ZNF140: variants seen among roughly 807,000 people sequenced by gnomAD.
The protein encoded by ZNF140 is zinc finger protein 140.
Under a neutral mutation model 12.9 loss-of-function variants are expected in ZNF140, and 13 were observed. The ratio of observed to expected loss-of-function variants is 1.01; its 90% CI spans 0.66 to 1.60. The LOEUF is 1.60. Ranked by LOEUF, ZNF140 falls within the 40% of genes most tolerant of loss-of-function variation. The pLI is 0.00. For missense variants in ZNF140, 531 were observed against 548.8 expected (o/e 0.97, Z 0.32); for synonymous variants, 214 against 186.7 (o/e 1.15, Z -1.19).
intron 4 of ZNF140, among the ~76,000 whole-genome samples, chr12:133,086,247 AC>A (rs1954671955): frequency 2.0e-5 from 3 of 152,108 alleles, no homozygotes; most frequent in African/African-American, 7.2e-5. Context: ...AGGATAATGC[AC>A]CTCTTTATGT....
intron 2 of ZNF140, chr12:133,082,092 A>G (rs1954522859): frequency 6.6e-6 from 1 of 152,368 alleles, no homozygotes; most frequent in Non-Finnish European, 1.5e-5. Context: ...TTTTATTTTG[A>G]TTTGGCCTAA....
intron 4 of ZNF140, among the ~76,000 whole-genome samples, chr12:133,086,256 T>C (rs1954672229): frequency 1.3e-5 from 2 of 152,226 alleles, no homozygotes; most frequent in Non-Finnish European, 2.9e-5. Flanking sequence ...CACCTCTTTA[T>C]GTTATTAGAT....
chr12:133,084,713 C>T (rs1273174786), intron 4 of ZNF140, among the ~76,000 whole-genome samples: 4 of 152,132 alleles, frequency 2.6e-5, no homozygotes, highest in Non-Finnish European at 5.9e-5. Context: ...AGGAGGAATG[C>T]GTACTTTTTA....
intron 4 of ZNF140, among the ~76,000 whole-genome samples, chr12:133,097,850 T>TGTGTGTGTGTG (rs1491441408): frequency 2.7e-5 from 4 of 150,358 alleles, no homozygotes; most frequent in African/African-American, 4.9e-5. Context: ...TGTGTGTGTG[T>TGTGTGTGTGTG]TTTTGAGATG....
intron 4 of ZNF140, among the ~76,000 whole-genome samples, chr12:133,091,333 G>A (rs914640208): frequency 2.6e-5 from 4 of 151,216 alleles, no homozygotes; most frequent in Non-Finnish European, 4.4e-5. Context: ...GGCACGTCCT[G>A]CACAGCCCTA....
chr12:133,096,715 C>T (rs1955142825), intron 4 of ZNF140, among the ~76,000 whole-genome samples: 1 of 152,086 alleles, frequency 6.6e-6, no homozygotes, highest in Non-Finnish European at 1.5e-5. Flanking sequence ...GGTTTCATTC[C>T]ATTGTGGTCT....
In ZNF140 at chr12:133,106,733, A is replaced by G. The variant is rs1955614801; in HGVS notation, c.*82A>G. ...TGCCTTACTTCAGAGAACTCTTGGA[A>G]AGAAGCCTTATGTGAAAGTGATGAC... is the stretch of plus-strand genomic sequence containing the variant. On this transcript the variant is annotated 3_prime_UTR_variant, in exon 5 of 5. Coordinates refer to ENST00000355557, the MANE Select transcript of ZNF140 (RefSeq NM_003440.4). 6 of 1,276,348 alleles carry G rather than the reference A, an allele frequency of 4.7e-6. No homozygotes were observed. In the South Asian group the frequency reaches 7.8e-5, roughly 17 times the overall value. The allele number at this position is 1,276,348 out of a possible 1,614,324, so 79.1% of individuals were successfully genotyped here. A position where few individuals can be genotyped will look rare whatever the true frequency, so the allele number is the denominator to read the frequency against.
At position 133,083,200 on chromosome 12, in the gene ZNF140, T is replaced by C; in HGVS notation, c.107T>C (p.Leu36Ser). ...AQRDLYRCVMLENYGHLVSLG... is the reference protein window; with the variant it reads ...AQRDLYRCVMSENYGHLVSLG... ...AGAGATTTGTACAGATGTGTAATGT[T>C]GGAGAACTATGGCCATCTGGTCTCA... The change falls in exon 3 of 5, where the codon TTG (leucine) becomes TCG (serine). Residue 36 changes from leucine to serine, a missense_variant. Transcript: ENST00000355557. The C allele has an allele frequency of 6.2e-7, 1 of 1,614,028 alleles. No individual in the cohort carries two copies. The highest frequency in any genetic ancestry group is 8.5e-7 in the Non-Finnish European group (1 of 1,179,916).
chr12:133,106,147 C>T lies in ZNF140; in HGVS notation c.870C>T (p.Arg290=). ...TTAGCAGTGGCTCAGAACTCATTCGCCACCAGATTACACATACTGGAGAGA... is the reference window on the plus strand; with the variant it reads ...TTAGCAGTGGCTCAGAACTCATTCGTCACCAGATTACACATACTGGAGAGA... The part of the protein sequence containing the change: ...KAFSSGSELI[R]HQITHTGEKP... Residue 290 remains arginine (R), a synonymous_variant, in exon 5 of 5, where the codon CGC becomes CGT. Coordinates refer to ENST00000355557, the MANE Select transcript of ZNF140 (RefSeq NM_003440.4). 2 of 1,613,956 alleles carry T rather than the reference C, an allele frequency of 1.2e-6. No individual in the cohort carries two copies. The highest frequency in any genetic ancestry group is 1.7e-6 in the Non-Finnish European group (2 of 1,179,992).
At position 133,106,020 on chromosome 12, in the gene ZNF140, C is replaced by T. The variant is rs760125877; in HGVS notation, c.743C>T (p.Thr248Ile). The T allele has an allele frequency of 8.7e-6, 14 of 1,614,156 alleles. No individual in the cohort carries two copies. The Admixed American group carries it at 1.0e-4, about 12-fold the overall frequency. Residue 248 changes from threonine to isoleucine, a missense_variant, in exon 5 of 5, where the codon ACT (threonine) becomes ATT (isoleucine). Physicochemically the swap from Thr to Ile is moderately conservative, Grantham distance 89 (BLOSUM62 -1). Transcript: ENST00000355557. ...THTGEKPYEC[T>I]ECGKAFSRAS... ...ACTGGGGAGAAACCTTATGAATGTA[C>T]TGAGTGTGGAAAGGCCTTTAGCCGT...
intron 4 of ZNF140, among the ~76,000 whole-genome samples, chr12:133,096,591 T>G (rs1171663501): frequency 6.6e-6 from 1 of 152,254 alleles, no homozygotes. Context: ...TCATTTTCAT[T>G]TAGTTCAACA....
chr12:133,096,736 A>G (rs1255439381), intron 4 of ZNF140, among the ~76,000 whole-genome samples: 3 of 152,312 alleles, frequency 2.0e-5, no homozygotes, highest in East Asian at 1.9e-4. Flanking sequence ...GACAGCACAT[A>G]TTATATGATT....
chr12:133,090,716 T>TTGAG (rs1954830291), intron 4 of ZNF140, among the ~76,000 whole-genome samples: 2 of 149,410 alleles, frequency 1.3e-5, no homozygotes, highest in Middle Eastern at 6.8e-3. Flanking sequence ...TCAGTTTTTA[T>TTGAG]TATTATTTTC....
chr12:133,081,475 G>T, intron 2 of ZNF140, 146 bp downstream of exon 2: 1 of 457,074 alleles, frequency 2.2e-6, no homozygotes, highest in Non-Finnish European at 4.4e-6. Context: ...CCTCAAGTGA[G>T]CCAACCCACT....
chr12:133,080,871 A>C (rs1422529862), upstream of ZNF140: 1 of 152,680 alleles, frequency 6.5e-6, no homozygotes, highest in Admixed American at 6.5e-5. Flanking sequence ...AGGCTTCTGA[A>C]GACGCAATTC....
chr12:133,105,797 T>C lies in ZNF140; in HGVS notation c.520T>C (p.Phe174Leu). The C allele has an allele frequency of 6.2e-7, 1 of 1,614,140 alleles. No homozygotes were observed. Among genetic ancestry groups the C allele is most frequent in the Non-Finnish European group, 8.5e-7 (1 of 1,180,044 alleles). Residue 174 changes from phenylalanine to leucine, a missense_variant, in exon 5 of 5, where the codon TTT becomes CTT. By Grantham distance (22) the Phe-to-Leu change is conservative. Coordinates refer to ENST00000355557, the MANE Select transcript of ZNF140 (RefSeq NM_003440.4). ...ATGTGGAAAAACTTTTGGTCGACGCTTTTCCCTGGTGTTACACCAGAGGAC... is the reference window on the plus strand; with the variant it reads ...ATGTGGAAAAACTTTTGGTCGACGCCTTTCCCTGGTGTTACACCAGAGGAC... ...HECGKTFGRR[F>L]SLVLHQRTHT...
At chr12:133,090,813 T>C (rs374337723) in intron 4 of ZNF140, among the ~76,000 whole-genome samples, 3,275 of 128,944 alleles carry the variant, frequency 0.025, 66 homozygotes, top group Middle Eastern at 0.055. Context: ...AAAGAATCTA[T>C]ATCATAATTA....
At position 133,081,274 on chromosome 12, in the gene ZNF140, T is replaced by C. The variant is rs1954469450; in HGVS notation, c.-47T>C. ...AGGGCTCCTTTCTCTCTCTGCCAGG[T>C]CTGCCATTTTACACTTTTCTGATCT... On this transcript the variant is annotated splice_region_variant and 5_prime_UTR_variant, in exon 2 of 5. Transcript: ENST00000355557. 9.7e-6 allele frequency: 15 copies of C among 1,539,906 alleles called. No individual in the cohort carries two copies. Among genetic ancestry groups the C allele is most frequent in the Non-Finnish European group, 1.1e-5 (13 of 1,132,480 alleles).
chr12:133,105,153 G>A (rs1955543416), intron 4 of ZNF140, among the ~76,000 whole-genome samples: 1 of 152,174 alleles, frequency 6.6e-6, no homozygotes, highest in Non-Finnish European at 1.5e-5. Context: ...AACACTTAGT[G>A]TTTAGTAGCA....
Sources: gnomAD v4.1 joint callset for allele counts (sites outside exome capture counted in the v4.1 genomes callset) on GRCh38, gnomAD v4.1.1 for gene constraint, MANE v1.5 for transcripts, NCBI Gene and HGNC (gene_info 2026-07-23, HGNC 2026-07-21) for gene names.